GALNTL6: variants seen among roughly 807,000 people sequenced by gnomAD.
The protein encoded by GALNTL6 is polypeptide N-acetylgalactosaminyltransferase like 6.
In GALNTL6, 46 loss-of-function variants were observed where a neutral mutation model predicts 73.7. The observed-to-expected ratio is 0.62, with a 90% confidence interval of 0.49 to 0.80. The LOEUF (loss-of-function observed/expected upper bound fraction) is 0.80, where lower values mean the gene tolerates loss of function less well. Ranked by LOEUF, GALNTL6 falls within the 30% of genes least tolerant of loss-of-function variation. The pLI, the probability that GALNTL6 is intolerant of heterozygous loss-of-function variation, is 0.00. For synonymous variants in GALNTL6, 259 were observed against 263.7 expected (o/e 0.98, Z 0.17); for missense variants, 604 against 755.0 (o/e 0.80, Z 2.34).
intron 10 of GALNTL6, among the ~76,000 whole-genome samples, chr4:172,967,492 CT>C (rs139645734): frequency 3.1e-4 from 46 of 148,586 alleles, no homozygotes; most frequent in Middle Eastern, 3.4e-3. Context: ...TTTGCCTATG[CT>C]TTTTTTTTTG....
intron 5 of GALNTL6, among the ~76,000 whole-genome samples, chr4:172,425,718 C>T (rs1731204987): frequency 1.3e-5 from 2 of 152,098 alleles, no homozygotes; most frequent in South Asian, 4.1e-4. Context: ...GTTCTGCTTA[C>T]ATCAGAGACC....
chr4:172,925,456 G>A lies in GALNTL6; in HGVS notation c.1042-5705G>A, dbSNP rs138482448. On this transcript the variant is annotated intron_variant, in intron 8 of 12. Coordinates refer to ENST00000506823, the MANE Select transcript of GALNTL6 (RefSeq NM_001034845.3). ...GGTTTACTCACATGAGTATGTCAACGTTACATGGTAAAAGAGATTTGGCAA... is the reference window on the plus strand; with the variant it reads ...GGTTTACTCACATGAGTATGTCAACATTACATGGTAAAAGAGATTTGGCAA... Among the ~76,000 whole-genome samples, 50 of 152,236 alleles carry A rather than the reference G, an allele frequency of 3.3e-4. No individual in the cohort carries two copies. The East Asian group carries it at 5.2e-3, about 16-fold the overall frequency.
At chr4:172,623,542 A>G (rs548611563) in intron 5 of GALNTL6, among the ~76,000 whole-genome samples, 3 of 152,050 alleles carry the variant, frequency 2.0e-5, no homozygotes, top group Admixed American at 2.0e-4. Context: ...CAGAACACCA[A>G]ATTACATAAG....
At chr4:171,823,175 A>C (rs1734730042) in intron 2 of GALNTL6, among the ~76,000 whole-genome samples, 1 of 152,180 alleles carries the variant, frequency 6.6e-6, no homozygotes, top group Non-Finnish European at 1.5e-5. Flanking sequence ...AAATTTAAAT[A>C]AAATTATACT....
At chr4:172,436,271 G>GC (rs1405554667) in intron 5 of GALNTL6, among the ~76,000 whole-genome samples, 1 of 152,024 alleles carries the variant, frequency 6.6e-6, no homozygotes, top group Non-Finnish European at 1.5e-5. Flanking sequence ...ATCACCAGAT[G>GC]CTTTTGACAT....
chr4:172,109,127 A>G (rs1265832503), intron 2 of GALNTL6, among the ~76,000 whole-genome samples: 1 of 152,082 alleles, frequency 6.6e-6, no homozygotes, highest in Non-Finnish European at 1.5e-5. Context: ...TCTATATGAA[A>G]TTCTCATTGA....
chr4:172,064,543 A>G (rs1450821953), intron 2 of GALNTL6, among the ~76,000 whole-genome samples: 1 of 152,202 alleles, frequency 6.6e-6, no homozygotes, highest in East Asian at 1.9e-4. Flanking sequence ...TTTAAATTCC[A>G]AGAGCAGTGT....
chr4:172,635,538 A>T (rs1486311880), intron 5 of GALNTL6, among the ~76,000 whole-genome samples: 1 of 152,072 alleles, frequency 6.6e-6, no homozygotes, highest in African/African-American at 2.4e-5. Flanking sequence ...AATTTTGCAT[A>T]TTTGAAAAGA....
intron 7 of GALNTL6, among the ~76,000 whole-genome samples, chr4:172,855,364 TTAA>T (rs959154400): frequency 6.6e-6 from 1 of 152,308 alleles, no homozygotes; most frequent in Admixed American, 6.5e-5. Flanking sequence ...ATATATATAC[TTAA>T]TAATAGTTTC....
intron 5 of GALNTL6, among the ~76,000 whole-genome samples, chr4:172,604,785 A>G (rs1270968376): frequency 6.6e-6 from 1 of 152,172 alleles, no homozygotes; most frequent in Non-Finnish European, 1.5e-5. Context: ...TGGAAGCTTC[A>G]GTGGCCATGT....
intron 2 of GALNTL6, among the ~76,000 whole-genome samples, chr4:172,176,693 G>A (rs1476276254): frequency 6.6e-6 from 1 of 152,104 alleles, no homozygotes; most frequent in Non-Finnish European, 1.5e-5. Context: ...GCAGGCTGAG[G>A]GAGGAGGATC....
rs908997039 is a variant in GALNTL6 at position 172,764,863 on chromosome 4, C to A, written c.554-44498C>A. On this transcript the variant is annotated intron_variant, in intron 5 of 12. Transcript: ENST00000506823. ...TATAGACTACTGAAGGTTAATTCCA[C>A]AAGACCTGCATAGTTATCTTAAAAT... is the stretch of plus-strand genomic sequence containing the variant. 2.6e-5 allele frequency among the ~76,000 whole-genome samples: 4 copies of A among 152,190 alleles called. No homozygotes were observed. The East Asian group carries it at 7.7e-4, about 29-fold the overall frequency.
intron 5 of GALNTL6, among the ~76,000 whole-genome samples, chr4:172,573,780 A>G (rs570883506): frequency 6.6e-5 from 10 of 152,170 alleles, no homozygotes; most frequent in Non-Finnish European, 1.3e-4. Context: ...CAAGAATGTA[A>G]AATCTTTTAT....
chr4:171,916,291 A>AT (rs1737625302), intron 2 of GALNTL6, among the ~76,000 whole-genome samples: 2 of 152,060 alleles, frequency 1.3e-5, no homozygotes, highest in South Asian at 4.2e-4. Context: ...ACTTAGTTGT[A>AT]TTTTTTGTCT....
intron 2 of GALNTL6, among the ~76,000 whole-genome samples, chr4:171,963,403 A>G (rs564578122): frequency 6.6e-6 from 1 of 152,316 alleles, no homozygotes; most frequent in South Asian, 2.1e-4. Context: ...CAGAGTATAA[A>G]GAAAAGCTAT....
At chr4:172,283,043 T>C (rs867086724) in intron 3 of GALNTL6, among the ~76,000 whole-genome samples, 1 of 152,188 alleles carries the variant, frequency 6.6e-6, no homozygotes, top group South Asian at 2.1e-4. Flanking sequence ...CATTGGGATC[T>C]GGTTTAATGA....
chr4:171,946,672 T>A (rs983841845), intron 2 of GALNTL6, among the ~76,000 whole-genome samples: 1 of 152,164 alleles, frequency 6.6e-6, no homozygotes, highest in African/African-American at 2.4e-5. Flanking sequence ...AGAGATAACA[T>A]ACTTTGGATA....
At chr4:172,767,938 G>A (rs1738539278) in intron 5 of GALNTL6, among the ~76,000 whole-genome samples, 1 of 152,028 alleles carries the variant, frequency 6.6e-6, no homozygotes, top group South Asian at 2.1e-4. Flanking sequence ...AAAGTGCTGG[G>A]ATTACAGGCG....
chr4:172,454,370 G>T (rs544920200), intron 5 of GALNTL6, among the ~76,000 whole-genome samples: 1 of 152,136 alleles, frequency 6.6e-6, no homozygotes, highest in Non-Finnish European at 1.5e-5. Context: ...CCCAAATCTG[G>T]ATACAATGCA....
Sources: gnomAD v4.1 joint callset for allele counts (sites outside exome capture counted in the v4.1 genomes callset) on GRCh38, gnomAD v4.1.1 for gene constraint, MANE v1.5 for transcripts, NCBI Gene and HGNC (gene_info 2026-07-23, HGNC 2026-07-21) for gene names.